The following ST18 variants were observed in gnomAD, a reference collection of about 807,000 sequenced individuals.
ST18 encodes the protein suppression of tumorigenicity 18 protein.
In ST18, 50 loss-of-function variants were observed where a neutral mutation model predicts 110.0. The observed-to-expected ratio is 0.45, with a 90% CI of 0.36 to 0.58. The LOEUF is 0.58. Ranked by LOEUF, ST18 falls within the 20% of genes least tolerant of loss-of-function variation. The pLI is 0.00. For missense variants in ST18, 1,306 were observed against 1,280.1 expected (o/e 1.02, Z -0.31); for synonymous variants, 461 against 452.4 (o/e 1.02, Z -0.24).
chr8:52,218,647 G>A (rs112278412), intron 5 of ST18, among the ~76,000 whole-genome samples: 4 of 145,054 alleles, frequency 2.8e-5, no homozygotes, highest in East Asian at 4.3e-4. Flanking sequence ...TGATCCACCC[G>A]CCTTGGCCTC....
intron 2 of ST18, among the ~76,000 whole-genome samples, chr8:52,339,370 A>G (rs540822867): frequency 6.6e-6 from 1 of 152,282 alleles, no homozygotes; most frequent in East Asian, 1.9e-4. Context: ...AGGGCTCAGG[A>G]CATTCGGTCA....
At chr8:52,213,378 A>C (rs1160124607) in intron 7 of ST18, among the ~76,000 whole-genome samples, 1 of 146,354 alleles carries the variant, frequency 6.8e-6, no homozygotes, top group Non-Finnish European at 1.5e-5. Context: ...TCAGTTGTAC[A>C]TCTCAACACC....
intron 2 of ST18, among the ~76,000 whole-genome samples, chr8:52,276,924 GC>G (rs1262666555): frequency 1.3e-5 from 2 of 151,888 alleles, no homozygotes; most frequent in Admixed American, 1.3e-4. Flanking sequence ...CCACCACCAC[GC>G]CCAGCTAATT....
At chr8:52,134,198 T>C (rs749452242) in intron 19 of ST18, among the ~76,000 whole-genome samples, 25 of 152,336 alleles carry the variant, frequency 1.6e-4, no homozygotes, top group Non-Finnish European at 1.8e-4. Flanking sequence ...TCCTGCTTCA[T>C]GGCCCAAGTC....
chr8:52,210,146 G>C (rs1164658879), intron 8 of ST18: 3 of 455,926 alleles, frequency 6.6e-6, no homozygotes, highest in Admixed American at 2.4e-5. Flanking sequence ...AACCACTCCA[G>C]GGACTGCAAA....
intron 14 of ST18, among the ~76,000 whole-genome samples, chr8:52,160,880 C>T (rs2061279686): frequency 6.6e-6 from 1 of 152,138 alleles, no homozygotes; most frequent in South Asian, 2.1e-4. Context: ...TAGTAAAATC[C>T]TGACTTTCAA....
intron 2 of ST18, among the ~76,000 whole-genome samples, chr8:52,295,436 C>T (rs1286471495): frequency 6.6e-6 from 1 of 152,024 alleles, no homozygotes; most frequent in Non-Finnish European, 1.5e-5. Flanking sequence ...TAAACTACTC[C>T]AGAGCAGAGA....
Position 52,172,437 on chromosome 8 carries a change from C to G in ST18, c.424G>C (p.Val142Leu), listed in dbSNP as rs1374940299. The G allele has an allele frequency of 6.2e-7, 1 of 1,613,866 alleles. No homozygotes were observed. Among genetic ancestry groups the G allele is most frequent in the Non-Finnish European group, 8.5e-7 (1 of 1,180,022 alleles). ...HLGKFEKNVS[V>L]QTVSENLNDS... ...TTTAAATTTTCACTTACAGTCTGAA[C>G]AGATACATTTTTTTCAAATTTCCCC... The change falls in exon 10 of 26, where the codon GTT becomes CTT. Residue 142 changes from valine to leucine, a missense_variant. Transcript: ENST00000689386.
At chr8:52,268,498 TCTATCTATCTATTTATCTATCTATCTTA>T (rs1201494394) in intron 2 of ST18, among the ~76,000 whole-genome samples, 1 of 150,898 alleles carries the variant, frequency 6.6e-6, no homozygotes, top group African/African-American at 2.5e-5. Flanking sequence ...TATCTATCTA[TCTATCTATCTATTTATCTATCTATCTTA>T]CTATCTATCA....
At chr8:52,158,343 C>G (rs2060525403) in intron 15 of ST18, among the ~76,000 whole-genome samples, 1 of 152,292 alleles carries the variant, frequency 6.6e-6, no homozygotes, top group African/African-American at 2.4e-5. Flanking sequence ...TGAATCATCT[C>G]CTGTTGATTT....
intron 2 of ST18, among the ~76,000 whole-genome samples, chr8:52,296,939 G>C (rs966146676): frequency 6.6e-6 from 1 of 151,676 alleles, no homozygotes; most frequent in African/African-American, 2.4e-5. Context: ...ATATCAATAA[G>C]GTATAATTAA....
intron 8 of ST18, among the ~76,000 whole-genome samples, chr8:52,207,498 T>A (rs2080516845): frequency 6.6e-6 from 1 of 152,102 alleles, no homozygotes; most frequent in Non-Finnish European, 1.5e-5. Flanking sequence ...TCTCAAAAAA[T>A]AAATTAATTA....
At chr8:52,309,233 G>A (rs568537691) in intron 2 of ST18, among the ~76,000 whole-genome samples, 29 of 152,232 alleles carry the variant, frequency 1.9e-4, no homozygotes, top group Admixed American at 9.8e-4. Context: ...GAAATCAAGC[G>A]GCATAGGCCA....
At chr8:52,309,520 C>CAAAAAAAAAAAAAAAAAA (rs756214451) in intron 2 of ST18, among the ~76,000 whole-genome samples, 4 of 37,768 alleles carry the variant, frequency 1.1e-4, no homozygotes, top group East Asian at 8.8e-4. Context: ...GACTCCATCT[C>CAAAAAAAAAAAAAAAAAA]AAAAAAAAAA....
chr8:52,208,241 T>C (rs1159343231), intron 8 of ST18, among the ~76,000 whole-genome samples: 1 of 152,226 alleles, frequency 6.6e-6, no homozygotes, highest in Non-Finnish European at 1.5e-5. Flanking sequence ...ACACGTCCAA[T>C]GCATTCTAAA....
At chr8:52,194,200 G>A (rs537063262) in intron 8 of ST18, among the ~76,000 whole-genome samples, 6 of 152,232 alleles carry the variant, frequency 3.9e-5, no homozygotes, top group African/African-American at 1.4e-4. Context: ...AACAACGAGA[G>A]GAGTAACAGG....
intron 2 of ST18, among the ~76,000 whole-genome samples, chr8:52,253,145 T>C (rs979739393): frequency 1.3e-5 from 2 of 152,058 alleles, no homozygotes; most frequent in Non-Finnish European, 2.9e-5. Context: ...ATTAAGATTA[T>C]AGAAGTTACA....
At chr8:52,152,988 G>C (rs540020060) in intron 15 of ST18, among the ~76,000 whole-genome samples, 2 of 152,316 alleles carry the variant, frequency 1.3e-5, no homozygotes, top group East Asian at 1.9e-4. Context: ...GGAAAAAAGA[G>C]AGAAATGTGT....
chr8:52,236,194 C>T (rs138794013), intron 2 of ST18, among the ~76,000 whole-genome samples: 5 of 152,126 alleles, frequency 3.3e-5, no homozygotes, highest in African/African-American at 7.2e-5. Flanking sequence ...ATGAAGGCAT[C>T]GGACTAGACA....
Sources: allele counts gnomAD v4.1 joint callset (sites outside exome capture counted in the v4.1 genomes callset), GRCh38; gene constraint gnomAD v4.1.1; transcripts MANE v1.5; gene names NCBI Gene and HGNC (gene_info 2026-07-23, HGNC 2026-07-21).